ROBO1: variants seen among roughly 807,000 people sequenced by gnomAD.
The protein encoded by ROBO1 is roundabout guidance receptor 1.
Under a neutral mutation model 195.9 loss-of-function variants are expected in ROBO1, and 149 were observed. That is an observed-to-expected ratio of 0.76 (90% CI 0.67 to 0.87). The LOEUF (loss-of-function observed/expected upper bound fraction) is 0.87. Ranked by LOEUF, ROBO1 falls within the 40% of genes least tolerant of loss-of-function variation. The probability of loss-of-function intolerance (pLI) is 0.00; values close to 1 mark genes in which losing one functional copy is unlikely to be tolerated. For missense variants in ROBO1, 1,933 were observed against 2,068.3 expected (o/e 0.93, Z 1.27); for synonymous variants, 816 against 733.2 (o/e 1.11, Z -1.82).
intron 1 of ROBO1, among the ~76,000 whole-genome samples, chr3:79,626,020 G>A (rs753571233): frequency 5.9e-5 from 9 of 152,190 alleles, no homozygotes; most frequent in South Asian, 2.1e-4. Flanking sequence ...GATCAAGTCA[G>A]CTTCATCCCT....
intron 4 of ROBO1, among the ~76,000 whole-genome samples, chr3:78,806,599 T>A (rs2084548911): frequency 6.6e-6 from 1 of 152,170 alleles, no homozygotes; most frequent in African/African-American, 2.4e-5. Context: ...TAAGTCATGT[T>A]AAGAAGTTTG....
intron 3 of ROBO1, among the ~76,000 whole-genome samples, chr3:79,023,696 GTTTTTTTTTT>G (rs869056050): frequency 2.3e-4 from 16 of 68,966 alleles, no homozygotes; most frequent in African/African-American, 9.4e-4. Context: ...TTGAGACAGA[GTTTTTTTTTT>G]TTTTTTTTTT....
At chr3:78,648,823 C>T (rs1706462208) in intron 19 of ROBO1, among the ~76,000 whole-genome samples, 1 of 152,014 alleles carries the variant, frequency 6.6e-6, no homozygotes, top group South Asian at 2.1e-4. Flanking sequence ...TTCTATTTCA[C>T]ATTTGAACAT....
At chr3:79,392,398 G>A (rs2036986262) in intron 2 of ROBO1, among the ~76,000 whole-genome samples, 3 of 152,144 alleles carry the variant, frequency 2.0e-5, no homozygotes, top group African/African-American at 7.2e-5. Flanking sequence ...GTAATTACAA[G>A]GTCAGATGGA....
rs1057385703 is a variant in ROBO1, at chr3:78,597,664, TAG to T, written c.*1247_*1248del. On this transcript the variant is annotated 3_prime_UTR_variant, in exon 31 of 31. Transcript: ENST00000464233. ...AATTGAAAGCAAGTAATGCCTCTAT[TAG>T]AGATTTTAAGGAAATCTTGTAGGTT... is the stretch of plus-strand genomic sequence containing the variant. The T allele has an allele frequency of 1.3e-5, 2 of 152,278 alleles. No individual in the cohort carries two copies. The highest frequency in any genetic ancestry group is 2.9e-5 in the Non-Finnish European group (2 of 67,986). 9.4% of individuals were successfully genotyped at this position (152,278 alleles called of 1,614,324 possible). A position where few individuals can be genotyped will look rare whatever the true frequency, so the allele number is the denominator to read the frequency against.
chr3:78,947,449 G>A (rs2040509850), intron 3 of ROBO1, among the ~76,000 whole-genome samples: 1 of 152,168 alleles, frequency 6.6e-6, no homozygotes, highest in Non-Finnish European at 1.5e-5. Flanking sequence ...AACGAAGGCA[G>A]AAATAAAGAT....
At chr3:79,238,877 A>G (rs1232453062) in intron 2 of ROBO1, among the ~76,000 whole-genome samples, 5 of 152,096 alleles carry the variant, frequency 3.3e-5, no homozygotes, top group Admixed American at 2.6e-4. Context: ...CACAATCCCA[A>G]TTGTCTTTTT....
intron 2 of ROBO1, among the ~76,000 whole-genome samples, chr3:79,355,130 C>T (rs2035495798): frequency 6.6e-6 from 1 of 151,882 alleles, no homozygotes; most frequent in Admixed American, 6.6e-5. Flanking sequence ...TGTGCCACTG[C>T]ATTCCAGCCT....
intron 2 of ROBO1, among the ~76,000 whole-genome samples, chr3:79,337,646 C>G (rs748527545): frequency 6.6e-6 from 1 of 152,186 alleles, no homozygotes; most frequent in Non-Finnish European, 1.5e-5. Flanking sequence ...ATACCTTACT[C>G]ATACTTTCTC....
intron 30 of ROBO1, among the ~76,000 whole-genome samples, chr3:78,599,395 T>C (rs539614840): frequency 3.9e-5 from 6 of 152,310 alleles, no homozygotes; most frequent in African/African-American, 1.4e-4. Context: ...TCGAAATACA[T>C]TGAGCTTTAT....
chr3:78,717,125 T>G, intron 7 of ROBO1, 150 bp downstream of exon 7: 1 of 775,948 alleles, frequency 1.3e-6, no homozygotes, highest in Non-Finnish European at 1.9e-6. Flanking sequence ...GATGGCAACC[T>G]CCTGCTTCTA....
intron 2 of ROBO1, among the ~76,000 whole-genome samples, chr3:79,543,129 G>C (rs1942138569): frequency 6.6e-6 from 1 of 152,058 alleles, no homozygotes; most frequent in Non-Finnish European, 1.5e-5. Context: ...GCAAGAGGGA[G>C]AGAAGCTATT....
chr3:79,705,733 A>G (rs1376189890), intron 1 of ROBO1, among the ~76,000 whole-genome samples: 1 of 152,108 alleles, frequency 6.6e-6, no homozygotes, highest in Non-Finnish European at 1.5e-5. Context: ...CTGGAGTTTT[A>G]TGGGATTACA....
intron 2 of ROBO1, among the ~76,000 whole-genome samples, chr3:79,135,194 C>T (rs995940029): frequency 6.6e-6 from 1 of 152,068 alleles, no homozygotes; most frequent in Non-Finnish European, 1.5e-5. Flanking sequence ...CTCCCCAAAC[C>T]CCCACATCTA....
chr3:79,444,437 A>C (rs2039167681), intron 2 of ROBO1, among the ~76,000 whole-genome samples: 1 of 152,274 alleles, frequency 6.6e-6, no homozygotes, highest in South Asian at 2.1e-4. Context: ...CAGATTGGCA[A>C]AAATGTAAAA....
At chr3:78,625,923 A>G (rs1704741139) in intron 26 of ROBO1, among the ~76,000 whole-genome samples, 1 of 152,110 alleles carries the variant, frequency 6.6e-6, no homozygotes, top group South Asian at 2.1e-4. Context: ...AGAGGAAGGC[A>G]TGAAGGGAGC....
At chr3:78,969,095 T>C (rs941661344) in intron 3 of ROBO1, among the ~76,000 whole-genome samples, 2 of 152,176 alleles carry the variant, frequency 1.3e-5, no homozygotes, top group African/African-American at 2.4e-5. Context: ...CAAAACCTTA[T>C]TGCATAAGCA....
At chr3:79,514,097 G>C (rs1378813149) in intron 2 of ROBO1, among the ~76,000 whole-genome samples, 1 of 152,152 alleles carries the variant, frequency 6.6e-6, no homozygotes, top group Non-Finnish European at 1.5e-5. Flanking sequence ...CGGCCATTAG[G>C]AAAATGAACC....
intron 1 of ROBO1, among the ~76,000 whole-genome samples, chr3:79,598,811 G>A (rs1335838907): frequency 5.3e-5 from 8 of 151,968 alleles, no homozygotes; most frequent in Non-Finnish European, 4.4e-5. Context: ...ACAAACTCAG[G>A]CCATTGCAGC....
Sources: allele counts gnomAD v4.1 joint callset (sites outside exome capture counted in the v4.1 genomes callset), GRCh38; gene constraint gnomAD v4.1.1; transcripts MANE v1.5; gene names NCBI Gene and HGNC (gene_info 2026-07-23, HGNC 2026-07-21).